Variants in PRIMA1 observed in about 807,000 individuals in gnomAD.
PRIMA1 encodes the protein proline rich membrane anchor 1, also known as proline-rich membrane anchor 1.
Under a neutral mutation model 17.5 loss-of-function variants are expected in PRIMA1, and 7 were observed. That is an observed-to-expected ratio of 0.40 (90% CI 0.23 to 0.75). The LOEUF is 0.75. Ranked by LOEUF, PRIMA1 falls within the 30% of genes least tolerant of loss-of-function variation. The pLI is 0.37. For missense variants in PRIMA1, 200 were observed against 201.8 expected, an observed-to-expected ratio of 0.99 and a Z score of 0.05; for synonymous variants, 97 against 77.9, an observed-to-expected ratio of 1.25 and a Z score of -1.29.
At chr14:93,757,064 T>C (rs1259211682) in intron 3 of PRIMA1, among the ~76,000 whole-genome samples, 1 of 152,150 alleles carries the variant, frequency 6.6e-6, no homozygotes, top group East Asian at 1.9e-4. Context: ...TTTCTCCCAT[T>C]TGGGTCACTC....
At chr14:93,733,706 C>A (rs2076130469) in intron 4 of PRIMA1, among the ~76,000 whole-genome samples, 1 of 152,150 alleles carries the variant, frequency 6.6e-6, no homozygotes. Context: ...ACTAAATTTT[C>A]CTTTTAATGG....
At position 93,721,287 on chromosome 14, in the gene PRIMA1, G is replaced by T; in HGVS notation, c.*157C>A. On this transcript the variant is annotated 3_prime_UTR_variant, in exon 5 of 5. Coordinates refer to ENST00000393140, the MANE Select transcript of PRIMA1 (RefSeq NM_178013.4). ...GGGCCCGCAGGCTGACCAGGGGCAAGCCTGGGAAGACAATGGTTTCTCCTT... is the reference window on the plus strand; with the variant it reads ...GGGCCCGCAGGCTGACCAGGGGCAATCCTGGGAAGACAATGGTTTCTCCTT... 1.7e-6 allele frequency: 1 copy of T among 593,368 alleles called. No homozygotes were observed. The highest frequency in any genetic ancestry group is 3.0e-6 in the Non-Finnish European group (1 of 336,262). The allele number at this position is 593,368 out of a possible 1,614,324, so 36.8% of individuals were successfully genotyped here.
chr14:93,769,995 G>A (rs970896601), intron 3 of PRIMA1, among the ~76,000 whole-genome samples: 2 of 152,156 alleles, frequency 1.3e-5, no homozygotes, highest in Non-Finnish European at 2.9e-5. Context: ...GTGACATCTG[G>A]TGGTTTCTTC....
At chr14:93,788,880 C>T (rs1030898231), upstream of PRIMA1, among the ~76,000 whole-genome samples, 1 of 152,096 alleles carries the variant, frequency 6.6e-6, no homozygotes, top group African/African-American at 2.4e-5. Flanking sequence ...CCCGCCTTTC[C>T]TGGTGGCGCC....
chr14:93,759,961 C>G (rs939041313), intron 3 of PRIMA1, among the ~76,000 whole-genome samples: 7 of 152,228 alleles, frequency 4.6e-5, no homozygotes, highest in Admixed American at 4.6e-4. Flanking sequence ...CTCCAGGGGC[C>G]GAAGGGCAGC....
chr14:93,763,072 A>G (rs1884781550), intron 3 of PRIMA1, among the ~76,000 whole-genome samples: 1 of 152,190 alleles, frequency 6.6e-6, no homozygotes, highest in Admixed American at 6.5e-5. Context: ...CACACTGGAT[A>G]GCTCACAGGG....
intron 3 of PRIMA1, among the ~76,000 whole-genome samples, chr14:93,753,391 C>T (rs552117385): frequency 6.6e-6 from 1 of 152,292 alleles, no homozygotes; most frequent in South Asian, 2.1e-4. Context: ...CACCCACGGT[C>T]CAGTTCATTC....
intron 3 of PRIMA1, among the ~76,000 whole-genome samples, chr14:93,750,989 C>T (rs1376874811): frequency 6.6e-6 from 1 of 152,140 alleles, no homozygotes; most frequent in Non-Finnish European, 1.5e-5. Context: ...CACTAAGAAA[C>T]CCCCAGACAA....
At chr14:93,788,181 CCCA>C (rs1885582266) in intron 1 of PRIMA1, among the ~76,000 whole-genome samples, 1 of 152,210 alleles carries the variant, frequency 6.6e-6, no homozygotes, top group Non-Finnish European at 1.5e-5. Flanking sequence ...CCCGTGCACA[CCCA>C]CCGACTCCTG....
chr14:93,778,999 C>T (rs890934312), intron 3 of PRIMA1, among the ~76,000 whole-genome samples, 177 bp downstream of exon 3: 6 of 151,950 alleles, frequency 3.9e-5, no homozygotes, highest in African/African-American at 1.2e-4. Context: ...TGCAGGAGCA[C>T]GCTGTGGGAA....
Position 93,783,786 on chromosome 14 carries a change from G to T in PRIMA1, c.93+3840C>A, listed in dbSNP as rs370009047. ...GGCTGAGGCACAGGTATGTCCTGGA[G>T]TCCCCTGGATTTGGTACCTGTAGCA... On this transcript the variant is annotated intron_variant, in intron 2 of 4. Coordinates refer to ENST00000393140, the MANE Select transcript of PRIMA1 (RefSeq NM_178013.4). 5.3e-5 allele frequency among the ~76,000 whole-genome samples: 8 copies of T among 152,320 alleles called. No individual in the cohort carries two copies. The East Asian group carries it at 7.7e-4, about 15-fold the overall frequency.
Position 93,732,919 on chromosome 14 carries a change from A to G in PRIMA1, c.359+4322T>C, listed in dbSNP as rs921897139. On this transcript the variant is annotated intron_variant, in intron 4 of 4. Coordinates refer to ENST00000393140, the MANE Select transcript of PRIMA1 (RefSeq NM_178013.4). ...ATCAGGCTGTCCTGCTGTCAGAAAC[A>G]TGTGCCCGTCAGGCCTAGGGGTGGG... is the stretch of plus-strand genomic sequence containing the variant. Among the ~76,000 whole-genome samples the G allele has an allele frequency of 7.9e-5, 12 of 152,090 alleles. 1 individual carries two copies. Among genetic ancestry groups the G allele is most frequent in the Admixed American group, 2.6e-4 (4 of 15,278 alleles).
intron 3 of PRIMA1, among the ~76,000 whole-genome samples, chr14:93,749,933 C>A (rs1048044318): frequency 6.6e-6 from 1 of 152,218 alleles, no homozygotes; most frequent in African/African-American, 2.4e-5. Flanking sequence ...GTAATCCCAG[C>A]ATTTTGGGAG....
Position 93,723,572 on chromosome 14 carries a change from G to A in PRIMA1, c.360-2026C>T, listed in dbSNP as rs535624323. ...AGAAGTAGCTCAAAACTTCTGCTAA[G>A]CAAGCCAAGTGCACTCATTCCAGGT... On this transcript the variant is annotated intron_variant, in intron 4 of 4. Coordinates refer to ENST00000393140, the MANE Select transcript of PRIMA1 (RefSeq NM_178013.4). Among the ~76,000 whole-genome samples the A allele has an allele frequency of 3.7e-4, 57 of 152,268 alleles. No homozygotes were observed. The South Asian group carries it at 0.012, about 31-fold the overall frequency.
At chr14:93,772,097 T>C (rs1233190026) in intron 3 of PRIMA1, among the ~76,000 whole-genome samples, 1 of 152,238 alleles carries the variant, frequency 6.6e-6, no homozygotes, top group Non-Finnish European at 1.5e-5. Flanking sequence ...CCAACAGTAC[T>C]GGAAACTAAG....
At chr14:93,781,219 A>G (rs1449508734) in intron 2 of PRIMA1, among the ~76,000 whole-genome samples, 3 of 152,246 alleles carry the variant, frequency 2.0e-5, no homozygotes, top group Admixed American at 1.3e-4. Flanking sequence ...CACTGGGAAG[A>G]GCATGCCGTC....
rs974123238 is a variant in PRIMA1, at chr14:93,726,566, A to G, written c.360-5020T>C. On this transcript the variant is annotated intron_variant, in intron 4 of 4. Coordinates refer to ENST00000393140, the MANE Select transcript of PRIMA1 (RefSeq NM_178013.4). The surrounding 1 kb of genome is among the most constrained non-coding windows in gnomAD (Gnocchi z 4.2). ...TGTACACATGCACAAATCCACATAC[A>G]CACACACTATACACATACACATGTA... Among the ~76,000 whole-genome samples, 1 of 151,944 alleles carries G rather than the reference A, an allele frequency of 6.6e-6. No homozygotes were observed. The highest frequency in any genetic ancestry group is 2.4e-5 in the African/African-American group (1 of 41,328).
intron 3 of PRIMA1, among the ~76,000 whole-genome samples, chr14:93,748,514 C>T (rs2076240802): frequency 6.6e-6 from 1 of 152,176 alleles, no homozygotes; most frequent in South Asian, 2.1e-4. Context: ...GGTGCAGGAG[C>T]AGTCCTGTGA....
intron 3 of PRIMA1, among the ~76,000 whole-genome samples, chr14:93,778,102 G>A (rs1462445218): frequency 6.6e-6 from 1 of 152,240 alleles, no homozygotes; most frequent in African/African-American, 2.4e-5. Flanking sequence ...GTTCTCAACT[G>A]TAACTTGCAT....
Sources: allele counts gnomAD v4.1 joint callset (sites outside exome capture counted in the v4.1 genomes callset), GRCh38; gene constraint gnomAD v4.1.1; non-coding constraint Gnocchi (gnomAD v3.1); transcripts MANE v1.5; gene names NCBI Gene and HGNC (gene_info 2026-07-23, HGNC 2026-07-21).